The following NWD1 variants were observed in gnomAD, a reference collection of about 807,000 sequenced individuals.
The protein encoded by NWD1 is NACHT and WD repeat domain containing 1, also known as NACHT domain- and WD repeat-containing protein 1.
Under a neutral mutation model 135.1 loss-of-function variants are expected in NWD1, and 129 were observed. That is an observed-to-expected ratio of 0.96 (90% CI 0.83 to 1.11). NWD1 has a LOEUF of 1.11. Ranked by LOEUF, NWD1 falls within the 50% of genes least tolerant of loss-of-function variation. The pLI is 0.00. For missense variants in NWD1, 1,740 were observed against 1,851.3 expected, an observed-to-expected ratio of 0.94 and a Z score of 1.10; for synonymous variants, 773 against 786.0, an observed-to-expected ratio of 0.98 and a Z score of 0.28.
At chr19:16,806,483 G>A (rs564222512) in intron 17 of NWD1, among the ~76,000 whole-genome samples, 2 of 152,304 alleles carry the variant, frequency 1.3e-5, no homozygotes, top group African/African-American at 4.8e-5. Context: ...ACTTTGGGAG[G>A]CAAAGGTGGG....
chr19:16,797,065 A>C (rs1490709268), intron 15 of NWD1, among the ~76,000 whole-genome samples: 1 of 151,872 alleles, frequency 6.6e-6, no homozygotes, highest in African/African-American at 2.4e-5. Context: ...CTACAAGCCC[A>C]GCTACTCAGG....
intron 2 of NWD1, among the ~76,000 whole-genome samples, chr19:16,728,963 AAT>A (rs1265644888): frequency 0.025 from 3,249 of 129,794 alleles, 121 homozygotes; most frequent in African/African-American, 0.091. Context: ...AAAAAAAAAA[AAT>A]AAGTAATTGC....
chr19:16,795,363 AG>A (rs1970383755), intron 15 of NWD1, among the ~76,000 whole-genome samples: 1 of 151,360 alleles, frequency 6.6e-6, no homozygotes. Flanking sequence ...AGGAAACACA[AG>A]GGGTCCACGA....
At chr19:16,807,283 T>C (rs1970777288) in intron 17 of NWD1, among the ~76,000 whole-genome samples, 1 of 151,162 alleles carries the variant, frequency 6.6e-6, no homozygotes, top group Non-Finnish European at 1.5e-5. Context: ...CACCTGAGGT[T>C]GGGAGTTAGA....
rs1968530705 is a variant in NWD1, at chr19:16,750,420, CTG to C, written c.1769+13_1769+14del. On this transcript the variant is annotated intron_variant, in intron 6 of 18. Transcript: ENST00000524140. ...TACATTGTGTCTTCCCGGTAAGTCT[CTG>C]TGTTTTGAAACTCTTATTTATTTAT... The C allele has an allele frequency of 6.5e-7, 1 of 1,530,010 alleles. No individual in the cohort carries two copies. The highest frequency in any genetic ancestry group is 1.4e-5 in the African/African-American group (1 of 71,684). The allele number at this position is 1,530,010 out of a possible 1,614,324, so 94.8% of individuals were successfully genotyped here.
chr19:16,740,075 T>C (rs1968016780), intron 4 of NWD1, among the ~76,000 whole-genome samples: 1 of 151,470 alleles, frequency 6.6e-6, no homozygotes, highest in South Asian at 2.1e-4. Context: ...AGCCGGAGGA[T>C]CGTGTGATCC....
chr19:16,732,159 G>C (rs1212609172), intron 3 of NWD1, among the ~76,000 whole-genome samples: 1 of 150,764 alleles, frequency 6.6e-6, no homozygotes, highest in Non-Finnish European at 1.5e-5. Context: ...AGAGATTGCA[G>C]TGAGCTGAGA....
chr19:16,779,511 A>G, intron 12 of NWD1, 46 bp downstream of exon 12: 1 of 1,597,600 alleles, frequency 6.3e-7, no homozygotes, highest in Non-Finnish European at 8.5e-7. Context: ...CATAGTGAAA[A>G]GTTGGTTCTC....
chr19:16,777,006 G>T (rs1425383883), intron 11 of NWD1, among the ~76,000 whole-genome samples: 1 of 106,656 alleles, frequency 9.4e-6, no homozygotes, highest in Non-Finnish European at 1.9e-5. Context: ...GGAAAGGAGA[G>T]GGAAGAGGGA....
At chr19:16,731,361 C>T (rs965055384) in intron 3 of NWD1, 83 bp downstream of exon 3, 37 of 804,806 alleles carry the variant, frequency 4.6e-5, no homozygotes, top group Non-Finnish European at 7.1e-5. Flanking sequence ...GGCTGGAGTG[C>T]AGTGGTGCGA....
At chr19:16,790,106 T>G (rs1970190557) in intron 13 of NWD1, among the ~76,000 whole-genome samples, 1 of 152,166 alleles carries the variant, frequency 6.6e-6, no homozygotes, top group Non-Finnish European at 1.5e-5. Flanking sequence ...CATAACCCTG[T>G]GATTTCATAG....
rs570422230 is a variant in NWD1, at chr19:16,815,587, G to A, written c.*548G>A. 2.5e-4 allele frequency: 110 copies of A among 437,372 alleles called. No individual in the cohort carries two copies. Among genetic ancestry groups the A allele is most frequent in the Non-Finnish European group, 4.0e-4 (98 of 243,508 alleles). 27.1% of individuals were successfully genotyped at this position (437,372 alleles called of 1,614,324 possible). On this transcript the variant is annotated 3_prime_UTR_variant, in exon 19 of 19. Transcript: ENST00000524140. ...GTCTCCAATTTCAATAGAAAAGAGA[G>A]CTTCTCTTTCCCAACAGTCCTAGCC...
intron 10 of NWD1, among the ~76,000 whole-genome samples, chr19:16,767,429 A>C (rs1393198998): frequency 6.6e-6 from 1 of 152,110 alleles, no homozygotes; most frequent in African/African-American, 2.4e-5. Flanking sequence ...AGCCTGGCCA[A>C]CATGGTGAAA....
intron 13 of NWD1, 72 bp downstream of exon 13, chr19:16,789,262 T>C: frequency 8.3e-7 from 1 of 1,204,258 alleles, no homozygotes; most frequent in Non-Finnish European, 1.2e-6. Flanking sequence ...AGGCCATTTC[T>C]ATAAGGAGGG....
intron 14 of NWD1, among the ~76,000 whole-genome samples, chr19:16,793,683 TCTC>T (rs1970326674): frequency 6.6e-6 from 1 of 151,230 alleles, no homozygotes; most frequent in Admixed American, 6.6e-5. Flanking sequence ...TTCAAGCGAT[TCTC>T]CTGCCTCCGC....
chr19:16,726,816 G>C (rs762699241), intron 2 of NWD1, among the ~76,000 whole-genome samples: 25 of 152,184 alleles, frequency 1.6e-4, no homozygotes, highest in Middle Eastern at 3.2e-3. Flanking sequence ...CCTGGGCATT[G>C]TTAGATGTTG....
chr19:16,724,571 G>A (rs1341353455), intron 2 of NWD1, 108 bp downstream of exon 2: 1 of 152,148 alleles, frequency 6.6e-6, no homozygotes, highest in African/African-American at 2.4e-5. Context: ...ATCATGGCTG[G>A]ACGTGGGGCC....
In NWD1 at chr19:16,744,578, A is replaced by G; in HGVS notation, c.356A>G (p.Tyr119Cys). ...GACGAGAATGCGTTTCCTCCCACCT[A>G]CGTCCTGCAGGCACCAGGTACTGGG... ...QRDENAFPPT[Y>C]VLQAPGTGEA... The change falls in exon 5 of 19, where the codon TAC becomes TGC. Residue 119 changes from tyrosine (Y) to cysteine (C), a missense_variant. Coordinates refer to ENST00000524140, the MANE Select transcript of NWD1 (RefSeq NM_001007525.5). The G allele has an allele frequency of 2.0e-6, 3 of 1,535,302 alleles. No individual in the cohort carries two copies. The highest frequency in any genetic ancestry group is 2.6e-6 in the Non-Finnish European group (3 of 1,146,444).
At chr19:16,733,124 G>A (rs1215913697) in intron 3 of NWD1, among the ~76,000 whole-genome samples, 1 of 152,092 alleles carries the variant, frequency 6.6e-6, no homozygotes, top group Non-Finnish European at 1.5e-5. Context: ...GGGAGGCTGA[G>A]GTGGGAGGAT....
Sources: gnomAD v4.1 joint callset for allele counts (sites outside exome capture counted in the v4.1 genomes callset) on GRCh38, gnomAD v4.1.1 for gene constraint, MANE v1.5 for transcripts, NCBI Gene and HGNC (gene_info 2026-07-23, HGNC 2026-07-21) for gene names.